The following ZNF283 variants were observed in gnomAD, a reference collection of about 807,000 sequenced individuals.
The protein encoded by ZNF283 is zinc finger protein 41.
ZNF283 carries 10 observed loss-of-function variants against 9.2 expected under a neutral mutation model. The ratio of observed to expected loss-of-function variants is 1.09; its 90% confidence interval spans 0.67 to 1.85. The LOEUF (loss-of-function observed/expected upper bound fraction) is 1.85, where lower values mean the gene tolerates loss of function less well. Ranked by LOEUF, ZNF283 falls within the 40% of genes most tolerant of loss-of-function variation. The probability of loss-of-function intolerance (pLI) is 0.00; values close to 1 mark genes in which losing one functional copy is unlikely to be tolerated. For missense variants in ZNF283, 631 were observed against 760.1 expected, an observed-to-expected ratio of 0.83 and a Z score of 2.00; for synonymous variants, 234 against 244.1, an observed-to-expected ratio of 0.96 and a Z score of 0.38.
chr19:43,831,344 A>G lies in ZNF283; in HGVS notation c.-38A>G, dbSNP rs779285686. 4.4e-6 allele frequency: 7 copies of G among 1,595,754 alleles called. No individual in the cohort carries two copies. In the Admixed American group the frequency reaches 6.7e-5, roughly 15 times the overall value. On this transcript the variant is annotated 5_prime_UTR_variant, in exon 3 of 7. Transcript: ENST00000618787. ...AGAATCTTGACAGTGAATGTGTCTC[A>G]TTACATTGAATAACAGCTACAGGAT... is the stretch of plus-strand genomic sequence containing the variant.
chr19:43,843,046 A>C (rs57133938), intron 6 of ZNF283, among the ~76,000 whole-genome samples: 61,529 of 152,036 alleles, frequency 0.4, 12,879 homozygotes, highest in South Asian at 0.55. Flanking sequence ...ACAGTTGTTT[A>C]AGTTGTGAGT....
chr19:43,844,743 G>A (rs574943803), intron 6 of ZNF283, among the ~76,000 whole-genome samples: 33 of 152,154 alleles, frequency 2.2e-4, no homozygotes, highest in Admixed American at 4.6e-4. Flanking sequence ...TGAAAACCCC[G>A]CACAACCAAG....
Position 43,837,083 on chromosome 19 carries a change from G to A in ZNF283, c.241G>A (p.Asp81Asn), listed in dbSNP as rs778828376. Residue 81 changes from aspartate (D) to asparagine (N), a missense_variant, in exon 6 of 7, where the codon GAC becomes AAC. This residue lies in a region of ZNF283 where 184 missense variants were observed against 220.0 expected (regional missense o/e 0.84). Coordinates refer to ENST00000618787, the MANE Select transcript of ZNF283 (RefSeq NM_181845.2). ...GGTGACATTCAGGGATGTGGCCATC[G>A]ACTTCTCTCAGGAGGAGTGGGAATG... ...GLVTFRDVAI[D>N]FSQEEWECLD... 10 of 1,613,904 alleles carry A rather than the reference G, an allele frequency of 6.2e-6. No homozygotes were observed. The highest frequency in any genetic ancestry group is 1.1e-5 in the South Asian group (1 of 91,074).
intron 2 of ZNF283, among the ~76,000 whole-genome samples, chr19:43,829,625 T>C (rs1326951461): frequency 6.6e-6 from 1 of 152,188 alleles, no homozygotes; most frequent in Non-Finnish European, 1.5e-5. Flanking sequence ...TTACTGAATA[T>C]TGAGTTGCTA....
intron 1 of ZNF283, 96 bp downstream of exon 1, chr19:43,827,540 T>G (rs1170086660): frequency 1.6e-3 from 122 of 77,548 alleles, no homozygotes; most frequent in South Asian, 2.4e-3. Context: ...GCAGTGAGGG[T>G]GGGGGTGGCA....
intron 4 of ZNF283, among the ~76,000 whole-genome samples, chr19:43,834,299 T>C (rs1192866323): frequency 6.6e-6 from 1 of 151,548 alleles, no homozygotes; most frequent in Non-Finnish European, 1.5e-5. Flanking sequence ...CCTCAAAAAA[T>C]GAAAAAAAAG....
chr19:43,829,248 A>G (rs1244073700), intron 2 of ZNF283, among the ~76,000 whole-genome samples: 2 of 152,058 alleles, frequency 1.3e-5, no homozygotes, highest in Non-Finnish European at 2.9e-5. Flanking sequence ...AGCTGGGCGT[A>G]GTGGTAGGCG....
At position 43,848,544 on chromosome 19, in the gene ZNF283, A is replaced by G. The variant is rs1244593529; in HGVS notation, c.1943A>G (p.His648Arg). 38 of 1,611,634 alleles carry G rather than the reference A, an allele frequency of 2.4e-5. No homozygotes were observed. The highest frequency in any genetic ancestry group is 3.1e-5 in the Non-Finnish European group (37 of 1,178,164). The change falls in exon 7 of 7, where the codon CAT (histidine) becomes CGT (arginine). Residue 648 changes from histidine to arginine, a missense_variant. Around this residue, in one of 3 missense-constraint regions of ZNF283, gnomAD observed 444 missense variants for 522.5 expected, o/e 0.85. Coordinates refer to ENST00000618787, the MANE Select transcript of ZNF283 (RefSeq NM_181845.2). ...TCAAAACTTGTTCATGAGAGAACTC[A>G]TAGTAATGATAAACCCTACAAATAT... is the stretch of plus-strand genomic sequence containing the variant. ...CGSKLVHERTHSNDKPYKYNE... is the reference protein window; with the variant it reads ...CGSKLVHERTRSNDKPYKYNE...
At chr19:43,832,567 T>C (rs761045568) in intron 3 of ZNF283, among the ~76,000 whole-genome samples, 7 of 152,236 alleles carry the variant, frequency 4.6e-5, no homozygotes, top group Non-Finnish European at 7.3e-5. Context: ...TTAGGAAGAA[T>C]AGCAGACTCA....
At chr19:43,838,779 T>G (rs1971084646) in intron 6 of ZNF283, among the ~76,000 whole-genome samples, 1 of 152,228 alleles carries the variant, frequency 6.6e-6, no homozygotes. Flanking sequence ...GTGGGAATCC[T>G]TTCATGATAT....
intron 6 of ZNF283, among the ~76,000 whole-genome samples, chr19:43,838,778 C>A (rs1971084475): frequency 6.6e-6 from 1 of 152,112 alleles, no homozygotes; most frequent in African/African-American, 2.4e-5. Flanking sequence ...AGTGGGAATC[C>A]TTTCATGATA....
In ZNF283 at chr19:43,848,408, G is replaced by C; in HGVS notation, c.1807G>C (p.Asp603His). The change falls in exon 7 of 7, where the codon GAC becomes CAC. Residue 603 changes from aspartate to histidine, a missense_variant. Transcript: ENST00000618787. Reference sequence around the variant, plus strand: ...TAATGAGAAGTCTTATGAATGTAAAGACTGTGGGAAGGCCTTTGGTAGTGG... The same window carrying C: ...TAATGAGAAGTCTTATGAATGTAAACACTGTGGGAAGGCCTTTGGTAGTGG... ...HTNEKSYECK[D>H]CGKAFGSGYQ... 1 of 1,613,984 alleles carries C rather than the reference G, an allele frequency of 6.2e-7. No homozygotes were observed. Among genetic ancestry groups the C allele is most frequent in the Non-Finnish European group, 8.5e-7 (1 of 1,179,922 alleles).
chr19:43,834,435 C>G (rs1260571734), intron 4 of ZNF283, among the ~76,000 whole-genome samples: 1 of 150,916 alleles, frequency 6.6e-6, no homozygotes, highest in East Asian at 1.9e-4. Flanking sequence ...TTTTTCTAGG[C>G]AAGACATAGG....
intron 2 of ZNF283, among the ~76,000 whole-genome samples, chr19:43,830,930 T>TAAAAAAAAAAA (rs1970684614): frequency 8.0e-6 from 1 of 124,972 alleles, no homozygotes; most frequent in African/African-American, 3.4e-5. Flanking sequence ...AAAAAAAAAT[T>TAAAAAAAAAAA]AGTGTCCAAT....
Position 43,835,564 on chromosome 19 carries a change from G to T in ZNF283, c.182G>T (p.Ser61Ile), listed in dbSNP as rs374238359. 1 of 1,610,150 alleles carries T rather than the reference G, an allele frequency of 6.2e-7. No homozygotes were observed. Among genetic ancestry groups the T allele is most frequent in the African/African-American group, 1.3e-5 (1 of 75,002 alleles). Residue 61 changes from serine to isoleucine, a missense_variant, in exon 5 of 7, where the codon AGT (serine) becomes ATT (isoleucine). Physicochemically the swap from Ser to Ile is moderately radical, Grantham distance 142. Around this residue, in one of 3 missense-constraint regions of ZNF283, gnomAD observed 184 missense variants for 220.0 expected, o/e 0.84. Coordinates refer to ENST00000618787, the MANE Select transcript of ZNF283 (RefSeq NM_181845.2). ...GAGGAATCCCATGGAGCATTAATTA[G>T]TTCTTGCAATTCCAGAACCATGACT... The part of the protein sequence containing the change: ...PIEESHGALI[S>I]SCNSRTMTDG...
At chr19:43,844,282 A>AAG (rs1971323994) in intron 6 of ZNF283, among the ~76,000 whole-genome samples, 1 of 54,682 alleles carries the variant, frequency 1.8e-5, no homozygotes, top group African/African-American at 8.0e-5. Context: ...CTTGACATTT[A>AAG]AGAAGTTAAA....
Position 43,851,341 on chromosome 19 carries a change from A to G in ZNF283, c.*2700A>G, listed in dbSNP as rs1366152626. 2.0e-5 allele frequency: 3 copies of G among 152,068 alleles called. No individual in the cohort carries two copies. Among genetic ancestry groups the G allele is most frequent in the African/African-American group, 7.2e-5 (3 of 41,398 alleles). 9.4% of individuals were successfully genotyped at this position (152,068 alleles called of 1,614,324 possible). ...GATTTTACAGTTAAAGAAGCTTATA[A>G]AGTAGCATCTACTAAATCCCCTCCT... On this transcript the variant is annotated 3_prime_UTR_variant, in exon 7 of 7. Coordinates refer to ENST00000618787, the MANE Select transcript of ZNF283 (RefSeq NM_181845.2).
At chr19:43,839,235 T>TG (rs529610014) in intron 6 of ZNF283, among the ~76,000 whole-genome samples, 1 of 16,070 alleles carries the variant, frequency 6.2e-5, no homozygotes, top group African/African-American at 1.8e-4. Flanking sequence ...TGGTTGACAG[T>TG]TTTTTTTTTC....
intron 6 of ZNF283, among the ~76,000 whole-genome samples, chr19:43,843,576 T>G (rs1393282920): frequency 6.6e-6 from 1 of 152,222 alleles, no homozygotes; most frequent in East Asian, 1.9e-4. Context: ...CTTTATAGCT[T>G]CCTAATACAT....
Sources: gnomAD v4.1 joint callset for allele counts (sites outside exome capture counted in the v4.1 genomes callset) on GRCh38, gnomAD v4.1.1 for gene constraint, gnomAD v4.1.1 regional missense constraint, MANE v1.5 for transcripts, NCBI Gene and HGNC (gene_info 2026-07-23, HGNC 2026-07-21) for gene names.